Variants in STMN2 observed in about 807,000 individuals in gnomAD.
STMN2 encodes the protein stathmin-2.
In STMN2, 2 loss-of-function variants were observed where a neutral mutation model predicts 24.1. That is an observed-to-expected ratio of 0.08 (90% CI 0.03 to 0.26). The LOEUF (loss-of-function observed/expected upper bound fraction) is 0.26, where lower values mean the gene tolerates loss of function less well. STMN2 is among the 10% of genes least tolerant of loss of function. STMN2 has a pLI of 1.00. For missense variants in STMN2, 114 were observed against 213.6 expected, an observed-to-expected ratio of 0.53 and a Z score of 2.91; for synonymous variants, 83 against 77.5, an observed-to-expected ratio of 1.07 and a Z score of -0.37.
intron 3 of STMN2, among the ~76,000 whole-genome samples, chr8:79,646,918 G>A (rs1019908539): frequency 6.6e-6 from 1 of 152,172 alleles, no homozygotes; most frequent in Non-Finnish European, 1.5e-5. Context: ...GTAGGTTTCA[G>A]AGCAGTGGGT....
At chr8:79,622,265 G>A (rs1275242449) in intron 1 of STMN2, among the ~76,000 whole-genome samples, 1 of 152,120 alleles carries the variant, frequency 6.6e-6, no homozygotes, top group African/African-American at 2.4e-5. Flanking sequence ...TGTTAAGTAA[G>A]CAATTGATTG....
chr8:79,653,995 G>A (rs926303631), intron 3 of STMN2, among the ~76,000 whole-genome samples: 2 of 152,202 alleles, frequency 1.3e-5, no homozygotes, highest in African/African-American at 4.8e-5. Flanking sequence ...ATGCCAGTAT[G>A]ACTTACAAAA....
In STMN2 at chr8:79,654,944, TGGA is replaced by T; in HGVS notation, c.367_369del (p.Glu123del). On this transcript the variant is annotated inframe_deletion, in exon 4 of 5. Transcript: ENST00000220876. ...GAGCGAGAAGTCCTTCAGAAGGCTT[TGGA>T]GGAGAACAACAACTTCAGCAAGATG... The T allele has an allele frequency of 6.2e-7, 1 of 1,613,956 alleles. No homozygotes were observed. The highest frequency in any genetic ancestry group is 8.5e-7 in the Non-Finnish European group (1 of 1,179,922).
intron 4 of STMN2, among the ~76,000 whole-genome samples, chr8:79,659,035 G>A (rs139942384): frequency 1.2e-4 from 18 of 152,362 alleles, no homozygotes; most frequent in African/African-American, 2.6e-4. Context: ...TATGCTTTGT[G>A]ATGTCATCAT....
At chr8:79,658,756 C>T (rs1189500188) in intron 4 of STMN2, among the ~76,000 whole-genome samples, 1 of 152,144 alleles carries the variant, frequency 6.6e-6, no homozygotes, top group Non-Finnish European at 1.5e-5. Context: ...ACCATGATGC[C>T]CATAATGGTA....
intron 1 of STMN2, among the ~76,000 whole-genome samples, chr8:79,636,159 G>A (rs1809948790): frequency 6.6e-6 from 1 of 152,176 alleles, no homozygotes; most frequent in South Asian, 2.1e-4. Context: ...GGAGGTTGCA[G>A]TGAGCTGGGA....
chr8:79,620,210 AGTT>A (rs1036483443), intron 1 of STMN2, among the ~76,000 whole-genome samples: 6 of 148,392 alleles, frequency 4.0e-5, no homozygotes, highest in East Asian at 1.9e-4. Context: ...CATATAATAA[AGTT>A]GTGTATATTA....
At chr8:79,643,149 GTA>G (rs201477262) in intron 3 of STMN2, among the ~76,000 whole-genome samples, 7,765 of 140,030 alleles carry the variant, frequency 0.055, 315 homozygotes, top group East Asian at 0.22. Flanking sequence ...ATGTGTGTGT[GTA>G]TATATATATA....
chr8:79,627,403 G>A (rs1388861141), intron 1 of STMN2, among the ~76,000 whole-genome samples: 1 of 152,170 alleles, frequency 6.6e-6, no homozygotes, highest in Non-Finnish European at 1.5e-5. Context: ...CAGATAAAAT[G>A]CACAGGTTAT....
intron 2 of STMN2, among the ~76,000 whole-genome samples, chr8:79,637,923 T>C (rs1810004126): frequency 6.6e-6 from 1 of 152,214 alleles, no homozygotes; most frequent in South Asian, 2.1e-4. Flanking sequence ...AAAGTTATTC[T>C]ATCGTAGCAC....
intron 4 of STMN2, among the ~76,000 whole-genome samples, chr8:79,656,908 G>C (rs79421932): frequency 0.082 from 12,174 of 147,568 alleles, 858 homozygotes; most frequent in Non-Finnish European, 0.14. Flanking sequence ...GAGTCTCGCT[G>C]TGTCGCCCAG....
At chr8:79,626,487 G>A (rs116484969) in intron 1 of STMN2, among the ~76,000 whole-genome samples, 2,439 of 152,284 alleles carry the variant, frequency 0.016, 67 homozygotes, top group African/African-American at 0.056. Flanking sequence ...AGGAAAAGAA[G>A]TATTCTTGCA....
intron 3 of STMN2, among the ~76,000 whole-genome samples, chr8:79,654,448 G>T (rs926377228): frequency 6.6e-6 from 1 of 152,032 alleles, no homozygotes; most frequent in African/African-American, 2.4e-5. Flanking sequence ...CTAGCCTACA[G>T]TTGATGAAAA....
chr8:79,648,125 A>G (rs553744410), intron 3 of STMN2, among the ~76,000 whole-genome samples: 1 of 152,356 alleles, frequency 6.6e-6, no homozygotes, highest in Admixed American at 6.5e-5. Flanking sequence ...CTTTAAGAAC[A>G]TGTGGTTAAG....
At chr8:79,621,095 T>C in intron 1 of STMN2, 1 of 904,870 alleles carries the variant, frequency 1.1e-6, no homozygotes, top group Non-Finnish European at 1.3e-6. Flanking sequence ...CCAGTGCTGC[T>C]GGTGCTGCAT....
intron 1 of STMN2, among the ~76,000 whole-genome samples, chr8:79,628,700 C>A (rs1018409251): frequency 3.0e-4 from 45 of 152,068 alleles, no homozygotes; most frequent in Non-Finnish European, 1.2e-4. Flanking sequence ...CATTAATATG[C>A]CTTCCTTTGA....
intron 3 of STMN2, among the ~76,000 whole-genome samples, chr8:79,643,534 A>T (rs1028477405): frequency 6.6e-6 from 1 of 152,144 alleles, no homozygotes; most frequent in South Asian, 2.1e-4. Context: ...AGGTGAAATT[A>T]AAACTCAAAC....
intron 3 of STMN2, among the ~76,000 whole-genome samples, chr8:79,651,460 A>G (rs1810332418): frequency 6.6e-6 from 1 of 152,138 alleles, no homozygotes; most frequent in East Asian, 1.9e-4. Context: ...CATAATGGAA[A>G]CCACAGGAGT....
intron 1 of STMN2, among the ~76,000 whole-genome samples, chr8:79,621,663 G>C (rs574631637): frequency 1.4e-4 from 22 of 152,164 alleles, no homozygotes; most frequent in Non-Finnish European, 2.6e-4. Flanking sequence ...TGCTTTAAGG[G>C]AAGGATGGTA....
Sources: gnomAD v4.1 joint callset for allele counts (sites outside exome capture counted in the v4.1 genomes callset) on GRCh38, gnomAD v4.1.1 for gene constraint, MANE v1.5 for transcripts, NCBI Gene and HGNC (gene_info 2026-07-23, HGNC 2026-07-21) for gene names.